The following CLOCK variants were observed in gnomAD, a reference collection of about 807,000 sequenced individuals.
The protein encoded by CLOCK is circadian locomoter output cycles protein kaput.
A neutral mutation model predicts 118.4 loss-of-function variants in CLOCK; 43 were observed. The ratio of observed to expected loss-of-function variants is 0.36; its 90% confidence interval spans 0.28 to 0.47. The LOEUF (loss-of-function observed/expected upper bound fraction) is 0.47, where lower values mean the gene tolerates loss of function less well. Ranked by LOEUF, CLOCK falls within the 20% of genes least tolerant of loss-of-function variation. The pLI, the probability that CLOCK is intolerant of heterozygous loss-of-function variation, is 1.00. For missense variants in CLOCK, 846 were observed against 999.9 expected (o/e 0.85, Z 2.08); for synonymous variants, 326 against 339.2 (o/e 0.96, Z 0.43).
At chr4:55,524,735 T>C (rs1730060663) in intron 1 of CLOCK, among the ~76,000 whole-genome samples, 1 of 152,232 alleles carries the variant, frequency 6.6e-6, no homozygotes, top group Non-Finnish European at 1.5e-5. Flanking sequence ...ATTTTTCTTT[T>C]TGCATTTATG....
At chr4:55,526,234 G>A (rs1730176877) in intron 1 of CLOCK, among the ~76,000 whole-genome samples, 1 of 152,088 alleles carries the variant, frequency 6.6e-6, no homozygotes, top group South Asian at 2.1e-4. Context: ...AGGGACCAAA[G>A]TACTGAAAGC....
chr4:55,476,163 G>A, intron 6 of CLOCK, 109 bp from the exon 7 acceptor site: 1 of 737,672 alleles, frequency 1.4e-6, no homozygotes, highest in Non-Finnish European at 2.4e-6. Context: ...ACAACCGTAG[G>A]CATTAACATT....
At chr4:55,501,201 T>C (rs538677324) in intron 2 of CLOCK, among the ~76,000 whole-genome samples, 82 of 152,316 alleles carry the variant, frequency 5.4e-4, no homozygotes, top group Non-Finnish European at 8.7e-4. Flanking sequence ...ATGCTTTCCC[T>C]CTTAACTATT....
intron 18 of CLOCK, among the ~76,000 whole-genome samples, chr4:55,447,471 A>G (rs1004575998): frequency 1.3e-5 from 2 of 152,258 alleles, no homozygotes; most frequent in African/African-American, 4.8e-5. Context: ...TATAGCACTT[A>G]AAGGATTTCT....
chr4:55,541,375 A>G (rs573725844), intron 1 of CLOCK, among the ~76,000 whole-genome samples: 7 of 152,244 alleles, frequency 4.6e-5, no homozygotes, highest in Non-Finnish European at 1.0e-4. Flanking sequence ...AGAAAATGCA[A>G]CAGCCATTGG....
chr4:55,511,331 G>C (rs1729135248), intron 1 of CLOCK, among the ~76,000 whole-genome samples: 1 of 151,808 alleles, frequency 6.6e-6, no homozygotes, highest in Non-Finnish European at 1.5e-5. Context: ...TAATTTTCTT[G>C]TACTGACAAC....
chr4:55,480,909 A>G (rs1445475474), intron 4 of CLOCK, among the ~76,000 whole-genome samples: 1 of 134,484 alleles, frequency 7.4e-6, no homozygotes, highest in African/African-American at 2.6e-5. Context: ...AAAAGAGATG[A>G]GTTTTAATTT....
At chr4:55,533,501 C>G (rs915036868) in intron 1 of CLOCK, among the ~76,000 whole-genome samples, 2 of 152,130 alleles carry the variant, frequency 1.3e-5, no homozygotes, top group Non-Finnish European at 2.9e-5. Flanking sequence ...TTTTTCAACA[C>G]TTTTTAATTA....
intron 22 of CLOCK, among the ~76,000 whole-genome samples, 154 bp from the exon 23 acceptor site, chr4:55,435,748 G>A (rs1283824563): frequency 1.3e-5 from 2 of 152,068 alleles, no homozygotes; most frequent in Admixed American, 1.3e-4. Context: ...ATTCTAATTT[G>A]GAAAATGCTT....
intron 2 of CLOCK, among the ~76,000 whole-genome samples, chr4:55,502,398 C>A (rs1728501149): frequency 6.6e-6 from 1 of 152,148 alleles, no homozygotes; most frequent in Non-Finnish European, 1.5e-5. Flanking sequence ...AAAAATAAAT[C>A]CATGAATAAA....
chr4:55,496,296 A>C (rs1461262957), intron 2 of CLOCK, among the ~76,000 whole-genome samples: 2 of 152,050 alleles, frequency 1.3e-5, no homozygotes, highest in Non-Finnish European at 2.9e-5. Flanking sequence ...GCCAGCTCAT[A>C]ATCTTTGTTG....
intron 2 of CLOCK, among the ~76,000 whole-genome samples, chr4:55,493,086 C>G (rs1431563230): frequency 2.0e-5 from 3 of 151,542 alleles, no homozygotes; most frequent in Non-Finnish European, 4.4e-5. Context: ...CATTTTTTTT[C>G]TTTTTCTTTT....
At chr4:55,440,176 T>C (rs1450069437) in intron 21 of CLOCK, among the ~76,000 whole-genome samples, 2 of 152,232 alleles carry the variant, frequency 1.3e-5, no homozygotes, top group African/African-American at 2.4e-5. Flanking sequence ...TCTAGGTTTA[T>C]AGAAGAAATT....
intron 15 of CLOCK, 68 bp from the exon 16 acceptor site, chr4:55,450,300 G>A: frequency 1.9e-6 from 3 of 1,583,404 alleles, no homozygotes; most frequent in Non-Finnish European, 2.6e-6. Flanking sequence ...TCACAATACT[G>A]TTAACAACAA....
At chr4:55,441,733 G>C (rs185363492) in intron 21 of CLOCK, among the ~76,000 whole-genome samples, 8 of 152,268 alleles carry the variant, frequency 5.3e-5, no homozygotes, top group African/African-American at 1.9e-4. Flanking sequence ...GGAGGATGGT[G>C]GGGGTGAGGG....
At chr4:55,496,503 T>A (rs908901600) in intron 2 of CLOCK, among the ~76,000 whole-genome samples, 1 of 152,220 alleles carries the variant, frequency 6.6e-6, no homozygotes, top group Admixed American at 6.5e-5. Flanking sequence ...TATACACTTA[T>A]CATATTGATA....
chr4:55,446,084 G>A (rs1017062884), intron 18 of CLOCK, among the ~76,000 whole-genome samples: 1 of 147,028 alleles, frequency 6.8e-6, no homozygotes, highest in Admixed American at 7.0e-5. Context: ...ACCACTTACT[G>A]GAAAAAAATT....
chr4:55,526,948 A>G (rs1470259545), intron 1 of CLOCK, among the ~76,000 whole-genome samples: 1 of 149,584 alleles, frequency 6.7e-6, no homozygotes, highest in Non-Finnish European at 1.5e-5. Flanking sequence ...CTCCGTCTCA[A>G]AAAAAAAAAA....
chr4:55,543,052 T>G (rs1387052935), intron 1 of CLOCK, among the ~76,000 whole-genome samples: 2 of 152,142 alleles, frequency 1.3e-5, no homozygotes, highest in Admixed American at 1.3e-4. Flanking sequence ...TAGCTGAAAC[T>G]ACGGTGTGCA....
Sources: allele counts gnomAD v4.1 joint callset (sites outside exome capture counted in the v4.1 genomes callset), GRCh38; gene constraint gnomAD v4.1.1; transcripts MANE v1.5; gene names NCBI Gene and HGNC (gene_info 2026-07-23, HGNC 2026-07-21).